The following CDH13 variants were observed in gnomAD, a reference collection of about 807,000 sequenced individuals.
The protein encoded by CDH13 is cadherin 13.
A neutral mutation model predicts 63.8 loss-of-function variants in CDH13; 24 were observed. The ratio of observed to expected loss-of-function variants is 0.38; its 90% CI spans 0.27 to 0.53. The LOEUF is 0.53. Ranked by LOEUF, CDH13 falls within the 20% of genes least tolerant of loss-of-function variation. CDH13 has a pLI of 0.85. For synonymous variants in CDH13, 503 were observed against 355.3 expected (o/e 1.42, Z -4.67); for missense variants, 1,049 against 903.1 (o/e 1.16, Z -2.07).
At chr16:83,373,925 G>A (rs9928568) in intron 6 of CDH13, among the ~76,000 whole-genome samples, 62,926 of 151,950 alleles carry the variant, frequency 0.41, 13,461 homozygotes, top group Middle Eastern at 0.49. Flanking sequence ...CGAAAGGGAA[G>A]GATCCAGGGG....
At chr16:82,974,949 G>A (rs1909286574) in intron 2 of CDH13, among the ~76,000 whole-genome samples, 1 of 152,220 alleles carries the variant, frequency 6.6e-6, no homozygotes, top group African/African-American at 2.4e-5. Context: ...ACTACGCCCA[G>A]ACTGACTTTG....
At chr16:82,827,175 T>C (rs531421463) in intron 1 of CDH13, among the ~76,000 whole-genome samples, 2 of 152,170 alleles carry the variant, frequency 1.3e-5, no homozygotes, top group African/African-American at 2.4e-5. Context: ...AAAATGTAGT[T>C]GTTGGACTCT....
intron 7 of CDH13, among the ~76,000 whole-genome samples, chr16:83,534,718 T>C (rs1598242089): frequency 6.6e-6 from 1 of 152,250 alleles, no homozygotes; most frequent in East Asian, 1.9e-4. Context: ...TTGCCTATCC[T>C]TTCACTGATG....
At chr16:82,630,272 G>A (rs976830939) in intron 1 of CDH13, among the ~76,000 whole-genome samples, 7 of 152,198 alleles carry the variant, frequency 4.6e-5, no homozygotes, top group African/African-American at 1.7e-4. Flanking sequence ...GATTTCCAGA[G>A]CACTAGGGAA....
In CDH13 at chr16:83,047,154, C is replaced by T. The variant is rs1360698399; in HGVS notation, c.366+14936C>T. 1.3e-5 allele frequency among the ~76,000 whole-genome samples: 2 copies of T among 152,166 alleles called. No individual in the cohort carries two copies. The highest frequency in any genetic ancestry group is 1.3e-4 in the Admixed American group (2 of 15,276). Reference sequence around the variant, plus strand: ...TAAACAGTAGTAGTTCTCCGTGAGACCCAAGGAAAGGTCTGCAGACTATAA... The same window carrying T: ...TAAACAGTAGTAGTTCTCCGTGAGATCCAAGGAAAGGTCTGCAGACTATAA... On this transcript the variant is annotated intron_variant, in intron 3 of 13. Coordinates refer to ENST00000567109, the MANE Select transcript of CDH13 (RefSeq NM_001257.5). This position sits in a 1 kb window ranked among gnomAD's most constrained non-coding sequence, Gnocchi z 4.9.
chr16:83,161,225 A>G lies in CDH13; in HGVS notation c.483+35724A>G, dbSNP rs138776203. Among the ~76,000 whole-genome samples the G allele has an allele frequency of 8.4e-4, 128 of 152,330 alleles. 1 individual carries two copies. In the East Asian group the frequency reaches 0.021, roughly 25 times the overall value. ...CCAGTTTCCAGGGAGATATACTAATATCTCAATAAAGTGCTGGATTTGAGT... is the reference window on the plus strand; with the variant it reads ...CCAGTTTCCAGGGAGATATACTAATGTCTCAATAAAGTGCTGGATTTGAGT... On this transcript the variant is annotated intron_variant, in intron 4 of 13. Transcript: ENST00000567109.
chr16:82,637,252 A>C (rs2150878476), intron 1 of CDH13, among the ~76,000 whole-genome samples: 1 of 152,264 alleles, frequency 6.6e-6, no homozygotes, highest in Non-Finnish European at 1.5e-5. Context: ...ATGTTTTTGC[A>C]GTAAGAAAGA....
At chr16:82,876,833 A>G (rs2040522769) in intron 2 of CDH13, among the ~76,000 whole-genome samples, 1 of 152,222 alleles carries the variant, frequency 6.6e-6, no homozygotes, top group African/African-American at 2.4e-5. Flanking sequence ...GCATCCATAC[A>G]GTTACTGAGT....
intron 8 of CDH13, among the ~76,000 whole-genome samples, chr16:83,607,978 A>G (rs567114019): frequency 3.3e-5 from 5 of 152,328 alleles, no homozygotes; most frequent in Admixed American, 6.5e-5. Flanking sequence ...TACTGATTGA[A>G]TAAGTCATAT....
intron 6 of CDH13, among the ~76,000 whole-genome samples, chr16:83,366,666 C>G (rs924354976): frequency 6.6e-6 from 1 of 152,116 alleles, no homozygotes; most frequent in African/African-American, 2.4e-5. Flanking sequence ...ACACCTACAC[C>G]TAGAACACAT....
chr16:83,410,895 C>T (rs1231329798), intron 6 of CDH13, among the ~76,000 whole-genome samples: 1 of 152,184 alleles, frequency 6.6e-6, no homozygotes, highest in African/African-American at 2.4e-5. Context: ...GGTATTGAAA[C>T]ATCAAGACTG....
intron 8 of CDH13, among the ~76,000 whole-genome samples, chr16:83,631,221 G>A (rs1159606944): frequency 6.6e-6 from 1 of 152,218 alleles, no homozygotes; most frequent in Non-Finnish European, 1.5e-5. Flanking sequence ...GCTCCTGGAA[G>A]AATTCTATTT....
chr16:83,009,579 C>G (rs1913906384), intron 2 of CDH13, among the ~76,000 whole-genome samples: 1 of 152,162 alleles, frequency 6.6e-6, no homozygotes, highest in Non-Finnish European at 1.5e-5. Context: ...TAGCAGTACT[C>G]TTTACATCTG....
intron 8 of CDH13, among the ~76,000 whole-genome samples, chr16:83,612,989 G>A (rs964945829): frequency 2.0e-5 from 3 of 152,098 alleles, no homozygotes; most frequent in African/African-American, 7.2e-5. Context: ...CAAGTCTGCT[G>A]GTAATAAGTT....
At chr16:82,825,197 T>C (rs1210606473) in intron 1 of CDH13, 1 of 152,214 alleles carries the variant, frequency 6.6e-6, no homozygotes, top group African/African-American at 2.4e-5. Context: ...TTTCTTCTTT[T>C]TCCAAGGGCT....
chr16:82,753,219 G>A (rs1267085751), intron 1 of CDH13, among the ~76,000 whole-genome samples: 1 of 152,240 alleles, frequency 6.6e-6, no homozygotes, highest in East Asian at 1.9e-4. Context: ...ACAGAAGGAA[G>A]TGACTGGCAG....
At chr16:83,679,894 T>G (rs1312788880) in intron 10 of CDH13, among the ~76,000 whole-genome samples, 1 of 152,160 alleles carries the variant, frequency 6.6e-6, no homozygotes, top group Non-Finnish European at 1.5e-5. Context: ...CAACTTGGGA[T>G]GCTGCCAGTC....
At chr16:83,261,793 G>C (rs1239039439) in intron 5 of CDH13, among the ~76,000 whole-genome samples, 1 of 151,786 alleles carries the variant, frequency 6.6e-6, no homozygotes, top group African/African-American at 2.4e-5. Flanking sequence ...CAGATCTGTG[G>C]GGTACCAGGA....
intron 6 of CDH13, among the ~76,000 whole-genome samples, chr16:83,368,402 A>C (rs899164343): frequency 3.3e-5 from 5 of 152,194 alleles, no homozygotes; most frequent in African/African-American, 1.2e-4. Flanking sequence ...GTAGCTCATG[A>C]CTTAGGACGC....
Sources: gnomAD v4.1 joint callset for allele counts (sites outside exome capture counted in the v4.1 genomes callset) on GRCh38, gnomAD v4.1.1 for gene constraint, Gnocchi (gnomAD v3.1) non-coding constraint, MANE v1.5 for transcripts, NCBI Gene and HGNC (gene_info 2026-07-23, HGNC 2026-07-21) for gene names.